Variants in KLC2 observed in about 807,000 individuals in gnomAD.
The protein encoded by KLC2 is kinesin light chain 2.
Under a neutral mutation model 75.1 loss-of-function variants are expected in KLC2, and 35 were observed. The ratio of observed to expected loss-of-function variants is 0.47; its 90% confidence interval spans 0.36 to 0.62. KLC2 has a LOEUF of 0.62. KLC2 is among the 20% of genes least tolerant of loss of function. The pLI, the probability that KLC2 is intolerant of heterozygous loss-of-function variation, is 0.00. For synonymous variants in KLC2, 314 were observed against 336.7 expected (o/e 0.93, Z 0.74); for missense variants, 611 against 833.2 (o/e 0.73, Z 3.28).
At chr11:66,262,688 CTG>C in intron 4 of KLC2, 124 bp from the exon 5 acceptor site, 2 of 694,742 alleles carry the variant, frequency 2.9e-6, no homozygotes, top group Non-Finnish European at 5.0e-6. Flanking sequence ...AATGGGGAAA[CTG>C]AGAAAGAGTG....
the KLC2 span, among the ~76,000 whole-genome samples, chr11:66,248,480 C>T: frequency 6.6e-6 from 1 of 152,000 alleles, no homozygotes. Flanking sequence ...ATTAGCCAGG[C>T]GTGGTGGGCA....
In KLC2 at chr11:66,266,951, G is replaced by C. The variant is rs747228682; in HGVS notation, c.1864G>C (p.Gly622Arg). ...MDLSRRSSLV[G>R] is the part of the protein sequence containing the mutation. ...CCTCTCCCGACGAAGCTCCCTGGTG[G>C]GCTAATGCTGAAGGGGCAGCCAGTC... The change falls in exon 16 of 16, where the codon GGC becomes CGC. Residue 622 changes from glycine to arginine, a missense_variant. Physicochemically the swap from Gly to Arg is moderately radical, Grantham distance 125. Transcript: ENST00000394067. 2.5e-6 allele frequency: 4 copies of C among 1,612,462 alleles called. 1 individual carries two copies. In the South Asian group the frequency reaches 4.4e-5, roughly 18 times the overall value.
In KLC2 at chr11:66,261,904, G is replaced by A. The variant is rs770140415; in HGVS notation, c.391G>A (p.Glu131Lys). 4 of 1,614,230 alleles carry A rather than the reference G, an allele frequency of 2.5e-6. No individual in the cohort carries two copies. Among genetic ancestry groups the A allele is most frequent in the South Asian group, 2.2e-5 (2 of 91,082 alleles). Residue 131 changes from glutamate to lysine, a missense_variant, in exon 3 of 16, where the codon GAG (glutamate) becomes AAG (lysine). Physicochemically the swap from Glu to Lys is moderately conservative, Grantham distance 56. Transcript: ENST00000394067. ...CAGTGAGCAGGCCGTGGCCCAGCTC[G>A]AGGAGGAGAAGCAGCACTTGCTGTT... is the stretch of plus-strand genomic sequence containing the variant. ...QRSEQAVAQL[E>K]EEKQHLLFMS...
At chr11:66,254,767 AACAC>A (rs1415588606), upstream of KLC2, among the ~76,000 whole-genome samples, 2 of 151,896 alleles carry the variant, frequency 1.3e-5, no homozygotes, top group Admixed American at 1.3e-4. Context: ...CTCTACTAAA[AACAC>A]AAAAATTAGC....
the KLC2 span, among the ~76,000 whole-genome samples, chr11:66,248,574 A>G: frequency 6.6e-6 from 1 of 152,146 alleles, no homozygotes; most frequent in African/African-American, 2.4e-5. Flanking sequence ...CCAAGATTGC[A>G]CCACTGCACT....
rs1856111685 is a variant in KLC2, at chr11:66,257,856, C to G, written c.-27C>G. Reference sequence around the variant, plus strand: ...AGGCAGCCAGAGTCGGAGCCGGGCCCGAGCACCAGGCGCAGGTCGGCGCGG... The same window carrying G: ...AGGCAGCCAGAGTCGGAGCCGGGCCGGAGCACCAGGCGCAGGTCGGCGCGG... On this transcript the variant is annotated 5_prime_UTR_variant, in exon 1 of 16. Coordinates refer to ENST00000394067, the MANE Select transcript of KLC2 (RefSeq NM_001318734.2). 6.5e-6 allele frequency: 1 copy of G among 152,734 alleles called. No homozygotes were observed. Among genetic ancestry groups the G allele is most frequent in the Non-Finnish European group, 1.5e-5 (1 of 68,474 alleles). The allele number at this position is 152,734 out of a possible 1,614,324, so 9.5% of individuals were successfully genotyped here.
chr11:66,247,200 C>G, the KLC2 span, among the ~76,000 whole-genome samples: 1 of 152,190 alleles, frequency 6.6e-6, no homozygotes, highest in Non-Finnish European at 1.5e-5. Flanking sequence ...GCCCCTTCCT[C>G]TACTGCGATT....
chr11:66,257,921 GGGA>G (rs1050021480), intron 1 of KLC2, 50 bp downstream of exon 1: 2 of 152,702 alleles, frequency 1.3e-5, no homozygotes, highest in Admixed American at 1.3e-4. Flanking sequence ...CCTAAAGCGG[GGGA>G]GGAGACTCCG....
At chr11:66,261,639 G>C in intron 2 of KLC2, 103 bp from the exon 3 acceptor site, 2 of 688,882 alleles carry the variant, frequency 2.9e-6, no homozygotes, top group Non-Finnish European at 5.0e-6. Flanking sequence ...TGTAGGGCCA[G>C]GCCTGGCCCT....
At chr11:66,249,745 A>T in the KLC2 span, among the ~76,000 whole-genome samples, 1 of 152,120 alleles carries the variant, frequency 6.6e-6, no homozygotes, top group Non-Finnish European at 1.5e-5. Flanking sequence ...GGCCAAAGCA[A>T]GACTCCTGAT....
At chr11:66,255,117 T>C (rs1310516214), upstream of KLC2, among the ~76,000 whole-genome samples, 1 of 151,990 alleles carries the variant, frequency 6.6e-6, no homozygotes, top group Non-Finnish European at 1.5e-5. Flanking sequence ...CAGGTGGGAG[T>C]CCAGTCATGG....
intron 2 of KLC2, chr11:66,261,463 G>A (rs1856409664): frequency 2.5e-6 from 1 of 404,268 alleles, no homozygotes; most frequent in Non-Finnish European, 4.5e-6. Flanking sequence ...TAGTAGCTCA[G>A]GGAAAGCACA....
intron 5 of KLC2, 29 bp downstream of exon 5, chr11:66,263,065 C>G: frequency 6.5e-7 from 1 of 1,542,530 alleles, no homozygotes; most frequent in Non-Finnish European, 8.9e-7. Flanking sequence ...TGCCCAAATT[C>G]TTCTGGAAGG....
chr11:66,263,215 C>T (rs1003077947), intron 5 of KLC2, among the ~76,000 whole-genome samples, 179 bp downstream of exon 5: 1 of 152,140 alleles, frequency 6.6e-6, no homozygotes, highest in African/African-American at 2.4e-5. Flanking sequence ...AGGGACTGCA[C>T]ATGAGGACTC....
intron 10 of KLC2, 34 bp downstream of exon 10, chr11:66,265,106 G>C: frequency 1.2e-6 from 2 of 1,609,250 alleles, no homozygotes; most frequent in South Asian, 2.2e-5. Context: ...CGGTTGTCAG[G>C]GGAGGCTGGG....
intron 3 of KLC2, 63 bp from the exon 4 acceptor site, chr11:66,262,060 C>T: frequency 6.3e-7 from 1 of 1,583,096 alleles, no homozygotes; most frequent in Non-Finnish European, 8.7e-7. Context: ...TCCACCCCAG[C>T]CCATGGACAC....
chr11:66,256,433 A>C (rs1856040482), upstream of KLC2, among the ~76,000 whole-genome samples: 1 of 152,168 alleles, frequency 6.6e-6, no homozygotes. Context: ...TACTAAAAAT[A>C]CAAAAAATTA....
chr11:66,263,610 A>T, intron 5 of KLC2, 50 bp from the exon 6 acceptor site: 1 of 1,270,976 alleles, frequency 7.9e-7, no homozygotes, highest in Non-Finnish European at 1.1e-6. Context: ...ACCATTGGGG[A>T]GGGCCTTGAG....
chr11:66,254,482 A>T (rs114973783), upstream of KLC2, among the ~76,000 whole-genome samples: 250 of 151,934 alleles, frequency 1.6e-3, 3 homozygotes, highest in African/African-American at 5.8e-3. Context: ...CCTGGGCAAC[A>T]TATGGACAGC....
Sources: allele counts gnomAD v4.1 joint callset (sites outside exome capture counted in the v4.1 genomes callset), GRCh38; gene constraint gnomAD v4.1.1; transcripts MANE v1.5; gene names NCBI Gene and HGNC (gene_info 2026-07-23, HGNC 2026-07-21).